Variants in NIPBL observed in about 807,000 individuals in gnomAD.
The protein encoded by NIPBL is NIPBL cohesin loading factor.
NIPBL carries 19 observed loss-of-function variants against 321.8 expected under a neutral mutation model. The observed-to-expected ratio is 0.06, with a 90% CI of 0.04 to 0.09. The LOEUF is 0.09. NIPBL is among the 10% of genes least tolerant of loss of function. The probability of loss-of-function intolerance (pLI) is 1.00; values close to 1 mark genes in which losing one functional copy is unlikely to be tolerated. For synonymous variants in NIPBL, 1,106 were observed against 1,114.1 expected (o/e 0.99, Z 0.14); for missense variants, 2,210 against 3,327.0 (o/e 0.66, Z 8.26).
At position 36,986,154 on chromosome 5, in the gene NIPBL, G is replaced by T. The variant is rs772121235; in HGVS notation, c.2974G>T (p.Val992Phe). 1.2e-6 allele frequency: 2 copies of T among 1,613,838 alleles called. No homozygotes were observed. Residue 992 changes from valine (V) to phenylalanine (F), a missense_variant, in exon 10 of 47, where the codon GTT (valine) becomes TTT (phenylalanine). Transcript: ENST00000282516. The part of the protein sequence containing the change: ...PKDKVEKIGL[V>F]EDLNKGAKPV... ...AGACAAAGTAGAAAAAATAGGATTAGTTGAAGATCTAAATAAAGGAGCTAA... is the reference window on the plus strand; with the variant it reads ...AGACAAAGTAGAAAAAATAGGATTATTTGAAGATCTAAATAAAGGAGCTAA...
intron 1 of NIPBL, among the ~76,000 whole-genome samples, chr5:36,942,121 A>G (rs1005935344): frequency 3.9e-5 from 6 of 152,132 alleles, no homozygotes; most frequent in African/African-American, 1.2e-4. Context: ...TTATTGGTCT[A>G]AGTTGACTTT....
At chr5:36,955,693 A>C in intron 3 of NIPBL, 56 bp downstream of exon 3, 2 of 1,392,934 alleles carry the variant, frequency 1.4e-6, no homozygotes, top group Non-Finnish European at 2.0e-6. Flanking sequence ...CCTTACTAAG[A>C]GAATCCGTAT....
chr5:36,943,208 A>G (rs1265052188), intron 1 of NIPBL, among the ~76,000 whole-genome samples: 1 of 152,212 alleles, frequency 6.6e-6, no homozygotes, highest in Non-Finnish European at 1.5e-5. Context: ...CTTTCGGGAT[A>G]CAGAATTAAT....
intron 16 of NIPBL, among the ~76,000 whole-genome samples, chr5:37,004,064 G>A (rs774963258): frequency 3.9e-5 from 6 of 151,964 alleles, no homozygotes; most frequent in South Asian, 4.2e-4. Context: ...CTTATATACC[G>A]TTTTTATACC....
At chr5:37,016,580 T>A (rs1263010295) in intron 23 of NIPBL, among the ~76,000 whole-genome samples, 1 of 152,164 alleles carries the variant, frequency 6.6e-6, no homozygotes, top group Non-Finnish European at 1.5e-5. Context: ...TGCAAAGAAA[T>A]GTTGTGACTC....
chr5:36,948,168 G>A (rs1267795815), intron 1 of NIPBL, among the ~76,000 whole-genome samples: 1 of 151,956 alleles, frequency 6.6e-6, no homozygotes, highest in Non-Finnish European at 1.5e-5. Flanking sequence ...TTAAAGGGCA[G>A]AGGATGTTCC....
At chr5:36,959,750 TTA>T (rs1470220601) in intron 4 of NIPBL, among the ~76,000 whole-genome samples, 4 of 152,240 alleles carry the variant, frequency 2.6e-5, no homozygotes, top group Admixed American at 2.6e-4. Context: ...ATAAAAACTT[TTA>T]GAGTGTTCAC....
At chr5:36,956,609 A>G (rs1171494504) in intron 3 of NIPBL, among the ~76,000 whole-genome samples, 1 of 148,706 alleles carries the variant, frequency 6.7e-6, no homozygotes, top group Non-Finnish European at 1.5e-5. Flanking sequence ...CAATATCTAA[A>G]TCACTTCTTT....
intron 19 of NIPBL, 43 bp from the exon 20 acceptor site, chr5:37,008,580 T>G (rs1747718623): frequency 1.9e-6 from 2 of 1,027,764 alleles, no homozygotes; most frequent in Non-Finnish European, 3.1e-6. Context: ...TTGGTTTGTT[T>G]TCTATTATAA....
At chr5:36,958,361 A>G (rs1741218368) in intron 4 of NIPBL, 130 bp downstream of exon 4, 1 of 820,234 alleles carries the variant, frequency 1.2e-6, no homozygotes. Context: ...AAGAACAAGA[A>G]GGAAACTAAA....
At chr5:36,897,482 C>A (rs1410330013) in intron 1 of NIPBL, among the ~76,000 whole-genome samples, 2 of 152,132 alleles carry the variant, frequency 1.3e-5, no homozygotes, top group African/African-American at 2.4e-5. Context: ...GTGCCCTCCT[C>A]CAGTTTTCCA....
At chr5:37,042,421 C>T (rs1054698560) in intron 34 of NIPBL, among the ~76,000 whole-genome samples, 1 of 151,472 alleles carries the variant, frequency 6.6e-6, no homozygotes, top group Non-Finnish European at 1.5e-5. Flanking sequence ...GGTGACAGAA[C>T]GAGGCTCTGT....
intron 44 of NIPBL, 25 bp downstream of exon 44, chr5:37,059,190 A>G: frequency 6.2e-7 from 1 of 1,611,586 alleles, no homozygotes; most frequent in Non-Finnish European, 8.5e-7. Context: ...GCAGTGAGAG[A>G]AAAAACTTCA....
intron 1 of NIPBL, chr5:36,885,806 G>A (rs570825891): frequency 4.0e-5 from 26 of 644,190 alleles, no homozygotes; most frequent in South Asian, 3.7e-4. Flanking sequence ...GCTAGAGACA[G>A]ACATCGAGGC....
intron 1 of NIPBL, among the ~76,000 whole-genome samples, chr5:36,899,479 T>C (rs1431072558): frequency 2.6e-5 from 4 of 152,248 alleles, no homozygotes; most frequent in African/African-American, 4.8e-5. Context: ...CAGTGCAGAC[T>C]GTTGTAATGA....
chr5:37,007,405 T>G lies in NIPBL; in HGVS notation c.4170T>G (p.Val1390=), dbSNP rs1279145652. ...TAATAGTAATGCTTTATAACAAAGT[T>G]TGTGACATTGTTAGCAGCTTATCAG... ...QRVIVMLYNK[V]CDIVSSLSEL... is the part of the protein sequence containing the mutation. Residue 1390 remains valine, a synonymous_variant, in exon 18 of 47, where the codon GTT becomes GTG. Coordinates refer to ENST00000282516, the MANE Select transcript of NIPBL (RefSeq NM_133433.4). 2 of 1,609,926 alleles carry G rather than the reference T, an allele frequency of 1.2e-6. No individual in the cohort carries two copies. Among genetic ancestry groups the G allele is most frequent in the Non-Finnish European group, 1.7e-6 (2 of 1,176,662 alleles).
chr5:36,909,640 T>G (rs1747896019), intron 1 of NIPBL, among the ~76,000 whole-genome samples: 1 of 152,024 alleles, frequency 6.6e-6, no homozygotes, highest in Non-Finnish European at 1.5e-5. Context: ...CCAACAACAA[T>G]ATAACCCCAC....
At chr5:36,922,781 T>G (rs1749046050) in intron 1 of NIPBL, among the ~76,000 whole-genome samples, 1 of 152,192 alleles carries the variant, frequency 6.6e-6, no homozygotes, top group Non-Finnish European at 1.5e-5. Flanking sequence ...ATCGCAATTT[T>G]GTTGAGAAGA....
intron 18 of NIPBL, 33 bp downstream of exon 18, chr5:37,007,507 C>T: frequency 6.6e-7 from 1 of 1,507,900 alleles, no homozygotes; most frequent in Non-Finnish European, 9.2e-7. Context: ...TTGTATATTT[C>T]TAAACTAAAT....
Sources: gnomAD v4.1 joint callset for allele counts (sites outside exome capture counted in the v4.1 genomes callset) on GRCh38, gnomAD v4.1.1 for gene constraint, MANE v1.5 for transcripts, NCBI Gene and HGNC (gene_info 2026-07-23, HGNC 2026-07-21) for gene names.